The following WIF1 variants were observed in gnomAD, a reference collection of about 807,000 sequenced individuals.
WIF1 encodes Wnt inhibitory factor 1.
A neutral mutation model predicts 53.5 loss-of-function variants in WIF1; 35 were observed. The observed-to-expected ratio is 0.65, with a 90% CI of 0.50 to 0.87. The LOEUF is 0.87. WIF1 is among the 40% of genes least tolerant of loss of function. The probability of loss-of-function intolerance (pLI) is 0.00; values close to 1 mark genes in which losing one functional copy is unlikely to be tolerated. For synonymous variants in WIF1, 171 were observed against 170.4 expected (o/e 1.00, Z -0.03); for missense variants, 467 against 476.8 (o/e 0.98, Z 0.19).
Position 65,055,140 on chromosome 12 carries a change from C to A in WIF1, c.996G>T (p.Trp332Cys), listed in dbSNP as rs1267933309. 2 of 1,614,082 alleles carry A rather than the reference C, an allele frequency of 1.2e-6. No homozygotes were observed. The highest frequency in any genetic ancestry group is 1.3e-5 in the African/African-American group (1 of 75,040). The change falls in exon 9 of 10, where the codon TGG becomes TGT. Residue 332 changes from tryptophan (W) to cysteine (C), a missense_variant. Coordinates refer to ENST00000286574, the MANE Select transcript of WIF1 (RefSeq NM_007191.5). ...CACTTTTATTGCAGTGTCTTCCATG[C>A]CAACCTTCTTGACATTGGCATTTGT... is the stretch of plus-strand genomic sequence containing the variant. ...EPNKCQCQEG[W>C]HGRHCNKRYE... is the part of the protein sequence containing the mutation.
At position 65,091,194 on chromosome 12, in the gene WIF1, C is replaced by A. The variant is rs550642485; in HGVS notation, c.289-13340G>T. 3.3e-5 allele frequency among the ~76,000 whole-genome samples: 5 copies of A among 151,618 alleles called. No homozygotes were observed. The South Asian group carries it at 1.0e-3, about 31-fold the overall frequency. On this transcript the variant is annotated intron_variant, in intron 2 of 9. Transcript: ENST00000286574. The stretch of plus-strand genomic sequence containing the variant: ...AAAGATGTAATCAGTAAAATCCAGA[C>A]TATAGAAAACTCTACAGGGCAAAAA...
At position 65,077,828 on chromosome 12, in the gene WIF1, G is replaced by A; in HGVS notation, c.315C>T (p.Ser105=). The part of the protein sequence containing the change: ...GQAEYFYEFL[S]LRSLDKGIMA... The stretch of plus-strand genomic sequence containing the variant: ...TGATGCCTTTATCCAGGGAGCGCAA[G>A]GACAGGAATTCATAGAAGTATTCTG... Residue 105 remains serine, a synonymous_variant, in exon 3 of 10, where the codon TCC becomes TCT. Coordinates refer to ENST00000286574, the MANE Select transcript of WIF1 (RefSeq NM_007191.5). The A allele has an allele frequency of 6.2e-7, 1 of 1,613,742 alleles. No homozygotes were observed. The highest frequency in any genetic ancestry group is 8.5e-7 in the Non-Finnish European group (1 of 1,179,802).
intron 2 of WIF1, among the ~76,000 whole-genome samples, chr12:65,117,540 G>A (rs1438986544): frequency 2.0e-5 from 3 of 152,090 alleles, no homozygotes; most frequent in South Asian, 2.1e-4. Flanking sequence ...TCCATGGACC[G>A]GGCGGTGGAG....
chr12:65,090,904 A>G (rs1465281336), intron 2 of WIF1, among the ~76,000 whole-genome samples: 2 of 152,120 alleles, frequency 1.3e-5, no homozygotes, highest in African/African-American at 4.8e-5. Flanking sequence ...CATAGAAAAA[A>G]GCAGCTTGGA....
chr12:65,078,620 C>T (rs1354884807), intron 2 of WIF1, among the ~76,000 whole-genome samples: 2 of 152,114 alleles, frequency 1.3e-5, no homozygotes, highest in African/African-American at 4.8e-5. Context: ...TTTTTACTCT[C>T]ATTCCCTTTG....
intron 3 of WIF1, among the ~76,000 whole-genome samples, chr12:65,075,879 C>T (rs1882853365): frequency 1.3e-5 from 2 of 152,012 alleles, no homozygotes; most frequent in Non-Finnish European, 1.5e-5. Flanking sequence ...ACAAGCTTTG[C>T]AGATCAGTAG....
intron 2 of WIF1, among the ~76,000 whole-genome samples, chr12:65,089,421 G>T (rs1477320377): frequency 1.3e-5 from 2 of 151,932 alleles, no homozygotes; most frequent in Non-Finnish European, 2.9e-5. Context: ...TAACTCATGC[G>T]CTCCAGATTT....
At chr12:65,060,530 C>A (rs11175635) in intron 7 of WIF1, among the ~76,000 whole-genome samples, 9,314 of 151,990 alleles carry the variant, frequency 0.061, 753 homozygotes, top group African/African-American at 0.19. Context: ...TTAGTGGTTG[C>A]CAGTGTCTGG....
chr12:65,068,754 C>T lies in WIF1; in HGVS notation c.538+10G>A, dbSNP rs376934993. ...AACATGTCTTCTCTTGAATCACCAT[C>T]GGTGCTTACCTTGTTGACATGTTTT... is the stretch of plus-strand genomic sequence containing the variant. On this transcript the variant is annotated intron_variant, in intron 4 of 9. Coordinates refer to ENST00000286574, the MANE Select transcript of WIF1 (RefSeq NM_007191.5). The T allele has an allele frequency of 2.4e-5, 38 of 1,611,936 alleles. No individual in the cohort carries two copies. Among genetic ancestry groups the T allele is most frequent in the Middle Eastern group, 1.6e-4 (1 of 6,068 alleles).
intron 2 of WIF1, among the ~76,000 whole-genome samples, chr12:65,111,875 A>G (rs1883436712): frequency 1.3e-5 from 2 of 152,192 alleles, no homozygotes; most frequent in Non-Finnish European, 2.9e-5. Context: ...CCTACAACAC[A>G]TAGCTACCCT....
At chr12:65,105,987 T>C (rs1467864140) in intron 2 of WIF1, among the ~76,000 whole-genome samples, 1 of 152,200 alleles carries the variant, frequency 6.6e-6, no homozygotes, top group Non-Finnish European at 1.5e-5. Flanking sequence ...CAGGCCAGCT[T>C]GACCCTTGAG....
intron 2 of WIF1, among the ~76,000 whole-genome samples, chr12:65,108,864 C>G (rs1398610425): frequency 6.6e-6 from 1 of 152,164 alleles, no homozygotes; most frequent in Non-Finnish European, 1.5e-5. Context: ...CTTGTCCCTT[C>G]TATTGCTCCT....
chr12:65,079,161 T>A (rs1189848222), intron 2 of WIF1, among the ~76,000 whole-genome samples: 5 of 36,220 alleles, frequency 1.4e-4, no homozygotes, highest in South Asian at 9.7e-4. Context: ...CAAGACTCCA[T>A]CTCAAAAAAA....
intron 7 of WIF1, among the ~76,000 whole-genome samples, chr12:65,059,486 C>A (rs1882578809): frequency 6.6e-6 from 1 of 152,026 alleles, no homozygotes; most frequent in African/African-American, 2.4e-5. Flanking sequence ...TTTGGGTAGT[C>A]TTTTTAACTG....
intron 4 of WIF1, among the ~76,000 whole-genome samples, chr12:65,068,162 A>G (rs945939006): frequency 6.6e-6 from 1 of 152,088 alleles, no homozygotes; most frequent in African/African-American, 2.4e-5. Context: ...TCTTTAGAGC[A>G]CTGAAATGCT....
intron 2 of WIF1, among the ~76,000 whole-genome samples, chr12:65,113,828 G>GA (rs1266793373): frequency 2.6e-5 from 4 of 152,010 alleles, no homozygotes; most frequent in Admixed American, 6.6e-5. Flanking sequence ...AGTACCTCCT[G>GA]AAAAAAATCA....
chr12:65,120,940 G>A, intron 1 of WIF1, 104 bp downstream of exon 1: 1 of 1,317,902 alleles, frequency 7.6e-7, no homozygotes, highest in Non-Finnish European at 9.8e-7. Flanking sequence ...ACTCTTTTGT[G>A]GAAATTAAGT....
chr12:65,068,303 G>A (rs889393771), intron 4 of WIF1, among the ~76,000 whole-genome samples: 3 of 152,058 alleles, frequency 2.0e-5, no homozygotes, highest in African/African-American at 7.2e-5. Context: ...AGGGATCACT[G>A]GCATGAGGTG....
At chr12:65,076,565 A>G (rs1882864070) in intron 3 of WIF1, among the ~76,000 whole-genome samples, 1 of 152,182 alleles carries the variant, frequency 6.6e-6, no homozygotes, top group South Asian at 2.1e-4. Context: ...AATCGATTTT[A>G]ACAAAATAAT....
Sources: gnomAD v4.1 joint callset for allele counts (sites outside exome capture counted in the v4.1 genomes callset) on GRCh38, gnomAD v4.1.1 for gene constraint, MANE v1.5 for transcripts, NCBI Gene and HGNC (gene_info 2026-07-23, HGNC 2026-07-21) for gene names.